Variants in PCDH15 observed in about 807,000 individuals in gnomAD.
PCDH15 encodes protocadherin related 15, also known as protocadherin-15.
PCDH15 carries 129 observed loss-of-function variants against 178.5 expected under a neutral mutation model. The observed-to-expected ratio is 0.72, with a 90% CI of 0.63 to 0.84. The LOEUF is 0.84. PCDH15 is among the 40% of genes least tolerant of loss of function. The probability of loss-of-function intolerance (pLI) is 0.00; values close to 1 mark genes in which losing one functional copy is unlikely to be tolerated. For synonymous variants in PCDH15, 800 were observed against 732.0 expected, an observed-to-expected ratio of 1.09 and a Z score of -1.50; for missense variants, 2,230 against 2,099.9, an observed-to-expected ratio of 1.06 and a Z score of -1.21.
intron 3 of PCDH15, among the ~76,000 whole-genome samples, chr10:54,848,568 A>G (rs1953554241): frequency 6.6e-6 from 1 of 152,070 alleles, no homozygotes; most frequent in Non-Finnish European, 1.5e-5. Context: ...GCTTTCACCA[A>G]TGATGCCTCC....
intron 3 of PCDH15, among the ~76,000 whole-genome samples, chr10:54,848,337 G>C (rs926609185): frequency 7.0e-6 from 1 of 143,770 alleles, no homozygotes; most frequent in Non-Finnish European, 1.5e-5. Context: ...AGCCGAGATT[G>C]CGCCTCTGCA....
At chr10:54,363,499 C>A (rs927394920) in intron 5 of PCDH15, among the ~76,000 whole-genome samples, 1 of 152,060 alleles carries the variant, frequency 6.6e-6, no homozygotes, top group Non-Finnish European at 1.5e-5. Flanking sequence ...AAATGGTAAT[C>A]CAGCACCAGC....
chr10:54,972,495 G>A (rs971249047), intron 2 of PCDH15, among the ~76,000 whole-genome samples: 12 of 151,494 alleles, frequency 7.9e-5, no homozygotes, highest in South Asian at 2.1e-4. Context: ...AGCTGAGATC[G>A]CGTTATTGCA....
chr10:54,218,657 AAAC>A (rs764629181), intron 9 of PCDH15, among the ~76,000 whole-genome samples: 2 of 152,198 alleles, frequency 1.3e-5, no homozygotes, highest in African/African-American at 2.4e-5. Flanking sequence ...AACTGTGAGA[AAAC>A]ACCTTTCTGT....
intron 2 of PCDH15, among the ~76,000 whole-genome samples, chr10:54,976,252 A>T (rs1839067685): frequency 6.6e-6 from 1 of 152,162 alleles, no homozygotes. Flanking sequence ...ATCAATCTCA[A>T]GATTGGTTCT....
At chr10:55,440,463 A>C (rs910315746) in intron 2 of PCDH15, among the ~76,000 whole-genome samples, 1 of 152,180 alleles carries the variant, frequency 6.6e-6, no homozygotes, top group Non-Finnish European at 1.5e-5. Context: ...AAAAGTGGCA[A>C]AGTAAACAAA....
chr10:55,519,285 T>TAAAAAAA (rs34476517), intron 2 of PCDH15, among the ~76,000 whole-genome samples: 1 of 134,182 alleles, frequency 7.5e-6, no homozygotes, highest in African/African-American at 2.8e-5. Flanking sequence ...ATGCTGAGTG[T>TAAAAAAA]AAAAAAAAAA....
chr10:55,181,312 G>C (rs1047953367), intron 1 of PCDH15, among the ~76,000 whole-genome samples: 1 of 151,784 alleles, frequency 6.6e-6, no homozygotes, highest in African/African-American at 2.4e-5. Flanking sequence ...ATACTCTTTT[G>C]CTTATGACCA....
chr10:54,709,593 CATATATATATATATATACATAT>C (rs1194572834), intron 1 of PCDH15, among the ~76,000 whole-genome samples: 1 of 94,824 alleles, frequency 1.1e-5, no homozygotes, highest in African/African-American at 4.2e-5. Context: ...ACAAATAATT[CATATATATATATATATACATAT>C]ATATATATAT....
chr10:55,001,480 C>T (rs1839793402), intron 2 of PCDH15, among the ~76,000 whole-genome samples: 1 of 152,174 alleles, frequency 6.6e-6, no homozygotes, highest in South Asian at 2.1e-4. Flanking sequence ...GTGACATCCT[C>T]ATTGGGGCTC....
At chr10:55,165,244 G>GA (rs1839166306) in intron 2 of PCDH15, among the ~76,000 whole-genome samples, 1 of 151,718 alleles carries the variant, frequency 6.6e-6, no homozygotes, top group Admixed American at 6.6e-5. Context: ...TTTTTTGCAT[G>GA]AAAAAATTAT....
At chr10:54,955,024 AT>A (rs1168015996) in intron 2 of PCDH15, among the ~76,000 whole-genome samples, 2 of 151,230 alleles carry the variant, frequency 1.3e-5, no homozygotes, top group African/African-American at 4.8e-5. Flanking sequence ...GTTTCAGGTC[AT>A]TTTTTAATTG....
At chr10:54,520,848 A>C (rs550392449) in intron 3 of PCDH15, among the ~76,000 whole-genome samples, 80 of 151,468 alleles carry the variant, frequency 5.3e-4, no homozygotes, top group Admixed American at 1.9e-3. Flanking sequence ...GATTAAGAAA[A>C]TGTGGCACAT....
chr10:54,187,424 TTG>T, intron 11 of PCDH15, among the ~76,000 whole-genome samples: 1 of 152,072 alleles, frequency 6.6e-6, no homozygotes, highest in African/African-American at 2.4e-5. Flanking sequence ...TATAATATGT[TTG>T]TGTCACAAAG....
chr10:54,517,652 T>C (rs368380114), intron 3 of PCDH15, among the ~76,000 whole-genome samples: 5 of 151,998 alleles, frequency 3.3e-5, no homozygotes, highest in Admixed American at 6.6e-5. Flanking sequence ...GACAGATCAA[T>C]GAGACAGAAA....
At chr10:55,424,183 C>T (rs149451235) in intron 2 of PCDH15, among the ~76,000 whole-genome samples, 134 of 152,200 alleles carry the variant, frequency 8.8e-4, no homozygotes, top group Admixed American at 4.5e-3. Context: ...ATGAATGTCC[C>T]GTTTCAAGAT....
intron 3 of PCDH15, among the ~76,000 whole-genome samples, chr10:54,850,967 G>A (rs1204233133): frequency 6.6e-6 from 1 of 152,150 alleles, no homozygotes; most frequent in African/African-American, 2.4e-5. Flanking sequence ...AGAGTAAGAT[G>A]ATCAATGCAG....
At chr10:54,975,445 G>C (rs1189605796) in intron 2 of PCDH15, among the ~76,000 whole-genome samples, 1 of 152,092 alleles carries the variant, frequency 6.6e-6, no homozygotes, top group Admixed American at 6.6e-5. Context: ...ATTGTTGTTA[G>C]TGTTTTGCGG....
At chr10:55,471,193 CTT>C in intron 2 of PCDH15, among the ~76,000 whole-genome samples, 1 of 152,222 alleles carries the variant, frequency 6.6e-6, no homozygotes. Context: ...TACTGTTACT[CTT>C]TTTCCCCTAA....
Sources: allele counts gnomAD v4.1 joint callset (sites outside exome capture counted in the v4.1 genomes callset), GRCh38; gene constraint gnomAD v4.1.1; transcripts MANE v1.5; gene names NCBI Gene and HGNC (gene_info 2026-07-23, HGNC 2026-07-21).